Variants in ZRANB3 observed in about 807,000 individuals in gnomAD.
The protein encoded by ZRANB3 is DNA annealing helicase and endonuclease ZRANB3.
Under a neutral mutation model 133.8 loss-of-function variants are expected in ZRANB3, and 125 were observed. That is an observed-to-expected ratio of 0.93 (90% CI 0.81 to 1.08). ZRANB3 has a LOEUF of 1.08. ZRANB3 is among the 50% of genes least tolerant of loss of function. The probability of loss-of-function intolerance (pLI) is 0.00; values close to 1 mark genes in which losing one functional copy is unlikely to be tolerated. For synonymous variants in ZRANB3, 387 were observed against 432.7 expected, an observed-to-expected ratio of 0.89 and a Z score of 1.31; for missense variants, 1,229 against 1,275.5, an observed-to-expected ratio of 0.96 and a Z score of 0.56.
intron 3 of ZRANB3, among the ~76,000 whole-genome samples, chr2:135,382,758 A>G (rs1284662791): frequency 6.6e-6 from 1 of 152,226 alleles, no homozygotes; most frequent in African/African-American, 2.4e-5. Flanking sequence ...TAAGTGAAGG[A>G]GAAATAAAAT....
intron 1 of ZRANB3, among the ~76,000 whole-genome samples, chr2:135,528,659 A>C (rs76585269): frequency 6.6e-6 from 1 of 152,170 alleles, no homozygotes; most frequent in Admixed American, 6.5e-5. Flanking sequence ...AAAAAAAAAA[A>C]CTAAGCATCT....
intron 3 of ZRANB3, among the ~76,000 whole-genome samples, chr2:135,366,224 C>G (rs1270618759): frequency 1.3e-5 from 2 of 148,990 alleles, no homozygotes; most frequent in African/African-American, 5.2e-5. Context: ...AGATTCCCTA[C>G]TCAGATTCAG....
chr2:135,417,965 TG>T (rs2104964468), intron 2 of ZRANB3, among the ~76,000 whole-genome samples: 1 of 151,220 alleles, frequency 6.6e-6, no homozygotes, highest in South Asian at 2.1e-4. Flanking sequence ...TGTTGTGGGG[TG>T]GGGGAAGCGG....
intron 2 of ZRANB3, among the ~76,000 whole-genome samples, chr2:135,440,845 C>T (rs767221558): frequency 6.6e-6 from 1 of 152,042 alleles, no homozygotes; most frequent in Non-Finnish European, 1.5e-5. Context: ...ATGCAGCAAA[C>T]GGAAACTAAC....
At chr2:135,490,070 T>C (rs925752998) in intron 2 of ZRANB3, among the ~76,000 whole-genome samples, 6 of 152,080 alleles carry the variant, frequency 3.9e-5, no homozygotes, top group African/African-American at 7.2e-5. Flanking sequence ...AGGTAAAAAA[T>C]TGATCACTTC....
chr2:135,256,107 G>A (rs1302456638), intron 12 of ZRANB3, among the ~76,000 whole-genome samples: 3 of 151,840 alleles, frequency 2.0e-5, no homozygotes, highest in Non-Finnish European at 4.4e-5. Flanking sequence ...TAAAAACAGG[G>A]TTTTGCCATG....
chr2:135,342,366 T>G (rs1684715450), intron 6 of ZRANB3, among the ~76,000 whole-genome samples: 1 of 150,170 alleles, frequency 6.7e-6, no homozygotes, highest in Non-Finnish European at 1.5e-5. Flanking sequence ...AGTAACTTTG[T>G]GCTAGGATAT....
intron 6 of ZRANB3, among the ~76,000 whole-genome samples, chr2:135,316,362 C>T (rs1284369023): frequency 4.6e-5 from 7 of 152,060 alleles, no homozygotes; most frequent in Non-Finnish European, 7.4e-5. Context: ...TTAGGACAAC[C>T]GATCCAATAA....
At chr2:135,284,151 T>A (rs1681233149) in intron 8 of ZRANB3, among the ~76,000 whole-genome samples, 1 of 152,218 alleles carries the variant, frequency 6.6e-6, no homozygotes, top group Non-Finnish European at 1.5e-5. Flanking sequence ...TGAGAGACAT[T>A]GAGAAAGTCA....
At chr2:135,218,543 T>G (rs1694405421) in intron 16 of ZRANB3, among the ~76,000 whole-genome samples, 1 of 151,966 alleles carries the variant, frequency 6.6e-6, no homozygotes, top group Admixed American at 6.6e-5. Context: ...CATTTTCTTG[T>G]AAAAATAGCA....
intron 8 of ZRANB3, among the ~76,000 whole-genome samples, chr2:135,298,690 G>A (rs1682282291): frequency 6.6e-6 from 1 of 152,188 alleles, no homozygotes; most frequent in Non-Finnish European, 1.5e-5. Flanking sequence ...AGGTCTCTCA[G>A]CTGTGCATAC....
intron 2 of ZRANB3, among the ~76,000 whole-genome samples, chr2:135,416,525 C>G (rs1424754307): frequency 6.6e-6 from 1 of 151,696 alleles, no homozygotes; most frequent in African/African-American, 2.4e-5. Context: ...TGAAAATGGC[C>G]ATACTGCCCA....
At chr2:135,323,471 A>C (rs979805470) in intron 6 of ZRANB3, among the ~76,000 whole-genome samples, 1 of 152,184 alleles carries the variant, frequency 6.6e-6, no homozygotes, top group Admixed American at 6.5e-5. Flanking sequence ...ATGACAGATT[A>C]CAAATAGAAT....
intron 2 of ZRANB3, among the ~76,000 whole-genome samples, chr2:135,463,822 G>C (rs1690871498): frequency 6.6e-6 from 1 of 152,144 alleles, no homozygotes; most frequent in South Asian, 2.1e-4. Context: ...GTGTACCTTA[G>C]AACTAGTCAC....
chr2:135,478,796 C>A (rs1691621636), intron 2 of ZRANB3, among the ~76,000 whole-genome samples: 2 of 151,634 alleles, frequency 1.3e-5, no homozygotes, highest in African/African-American at 4.8e-5. Flanking sequence ...ATGAATAGGA[C>A]TGCTATTCTT....
chr2:135,264,365 G>A (rs965473015), intron 12 of ZRANB3, among the ~76,000 whole-genome samples: 3 of 150,850 alleles, frequency 2.0e-5, no homozygotes, highest in Non-Finnish European at 4.4e-5. Context: ...TCACCTATTC[G>A]GGAGACTGAG....
At chr2:135,228,084 C>A in intron 13 of ZRANB3, 69 bp from the exon 14 acceptor site, 2 of 1,273,664 alleles carry the variant, frequency 1.6e-6, no homozygotes, top group Non-Finnish European at 2.1e-6. Context: ...AAGAATGTAA[C>A]AGTTAGGTCT....
intron 19 of ZRANB3, 51 bp from the exon 20 acceptor site, chr2:135,203,014 G>A: frequency 6.3e-7 from 1 of 1,584,750 alleles, no homozygotes; most frequent in Non-Finnish European, 8.6e-7. Flanking sequence ...TGCAAGAAGT[G>A]TTTGTTGGTT....
chr2:135,462,595 TTTTC>T (rs138996053), intron 2 of ZRANB3, among the ~76,000 whole-genome samples: 6,518 of 151,038 alleles, frequency 0.043, 479 homozygotes, highest in African/African-American at 0.15. Context: ...CTCTCTCTCT[TTTTC>T]TTTTTCTTTT....
Sources: allele counts gnomAD v4.1 joint callset (sites outside exome capture counted in the v4.1 genomes callset), GRCh38; gene constraint gnomAD v4.1.1; transcripts MANE v1.5; gene names NCBI Gene and HGNC (gene_info 2026-07-23, HGNC 2026-07-21).